The following LTK variants were observed in gnomAD, a reference collection of about 807,000 sequenced individuals.
The protein encoded by LTK is leukocyte receptor tyrosine kinase.
In LTK, 117 loss-of-function variants were observed where a neutral mutation model predicts 101.5. The observed-to-expected ratio is 1.15, with a 90% CI of 0.99 to 1.34. LTK has a LOEUF of 1.34. Among genes scored for constraint, LTK ranks in the 40% most tolerant of loss-of-function variants. The probability of loss-of-function intolerance (pLI) is 0.00; values close to 1 mark genes in which losing one functional copy is unlikely to be tolerated. For synonymous variants in LTK, 563 were observed against 494.2 expected (o/e 1.14, Z -1.85); for missense variants, 1,252 against 1,164.7 (o/e 1.07, Z -1.09).
In LTK at chr15:41,511,932, C is replaced by G. The variant is rs2051481858; in HGVS notation, c.542G>C (p.Gly181Ala). Residue 181 changes from glycine to alanine, a missense_variant, in exon 5 of 20, where the codon GGG becomes GCG. Gly to Ala is a moderately conservative substitution (Grantham distance 60, BLOSUM62 0). Coordinates refer to ENST00000263800, the MANE Select transcript of LTK (RefSeq NM_002344.6). The surrounding 1 kb of genome is among the most constrained non-coding windows in gnomAD (Gnocchi z 5.9). ...GTGCTCTTCAACGGCTCGAGACTCC[C>G]CGAGGCAGACGAGCTGGCTCTCCGG... is the stretch of plus-strand genomic sequence containing the variant. ...GSPESQLVCL[G>A]ESRAVEEHAA... The G allele has an allele frequency of 2.0e-6, 3 of 1,501,168 alleles. No individual in the cohort carries two copies. In the South Asian group the frequency reaches 3.9e-5, roughly 20 times the overall value. 93.0% of individuals were successfully genotyped at this position (1,501,168 alleles called of 1,614,324 possible). A position where few individuals can be genotyped will look rare whatever the true frequency, so the allele number is the denominator to read the frequency against.
chr15:41,505,308 G>A lies in LTK; in HGVS notation c.1828-3C>T, dbSNP rs2051233502. ...ATGACCAGAGGTGATGGCTGGCCCT[G>A]GGTCAGGCAGAGGGGGCATCAGTCC... On this transcript the variant is annotated splice_polypyrimidine_tract_variant and splice_region_variant and intron_variant, in intron 14 of 19. Coordinates refer to ENST00000263800, the MANE Select transcript of LTK (RefSeq NM_002344.6). 6.2e-7 allele frequency: 1 copy of A among 1,613,860 alleles called. No individual in the cohort carries two copies.
At position 41,506,737 on chromosome 15, in the gene LTK, T is replaced by C. The variant is rs145807132; in HGVS notation, c.1541+358A>G. Among the ~76,000 whole-genome samples the C allele has an allele frequency of 1.6e-4, 25 of 152,096 alleles. No individual in the cohort carries two copies. The East Asian group carries it at 4.6e-3, about 28-fold the overall frequency. On this transcript the variant is annotated intron_variant, in intron 11 of 19. Transcript: ENST00000263800. ...TCCCACGTAGCTGGGATTACAGGCATGCGCCACCATGCCCAGCTAATTTTG... is the reference window on the plus strand; with the variant it reads ...TCCCACGTAGCTGGGATTACAGGCACGCGCCACCATGCCCAGCTAATTTTG...
chr15:41,503,906 G>A lies in LTK; in HGVS notation c.*90C>T. On this transcript the variant is annotated 3_prime_UTR_variant, in exon 20 of 20. Coordinates refer to ENST00000263800, the MANE Select transcript of LTK (RefSeq NM_002344.6). ...ACAGCACAGACTGCAGGGAACAGAG[G>A]CCGCTGGCATAACAGGCCACCCAGG... is the stretch of plus-strand genomic sequence containing the variant. The A allele has an allele frequency of 7.1e-7, 1 of 1,409,350 alleles. No individual in the cohort carries two copies. The highest frequency in any genetic ancestry group is 9.5e-7 in the Non-Finnish European group (1 of 1,051,374). The allele number at this position is 1,409,350 out of a possible 1,614,324, so 87.3% of individuals were successfully genotyped here.
Position 41,505,401 on chromosome 15 carries a change from C to T in LTK, c.1827G>A (p.Leu609=). Residue 609 remains leucine, a splice_region_variant and synonymous_variant, in exon 14 of 20, where the codon CTG becomes CTA. Coordinates refer to ENST00000263800, the MANE Select transcript of LTK (RefSeq NM_002344.6). The part of the protein sequence containing the change: ...KSFLRHSRPH[L]GQPSPLVMRD... ...GGGGGGGCTAAGACAAGGGTCTCAC[C>T]AGGTGTGGCCGACTGTGCCTCAGGA... The T allele has an allele frequency of 6.2e-7, 1 of 1,613,928 alleles. No homozygotes were observed. Among genetic ancestry groups the T allele is most frequent in the Non-Finnish European group, 8.5e-7 (1 of 1,179,918 alleles).
Position 41,511,965 on chromosome 15 carries a change from T to C in LTK, c.511-2A>G. 6.8e-7 allele frequency: 1 copy of C among 1,476,004 alleles called. No individual in the cohort carries two copies. Among genetic ancestry groups the C allele is most frequent in the Non-Finnish European group, 8.9e-7 (1 of 1,125,008 alleles). The allele number at this position is 1,476,004 out of a possible 1,614,324, so 91.4% of individuals were successfully genotyped here. On this transcript the variant is annotated splice_acceptor_variant, in intron 4 of 19. Coordinates refer to ENST00000263800, the MANE Select transcript of LTK (RefSeq NM_002344.6). LOFTEE classifies it high-confidence loss of function. This position sits in a 1 kb window ranked among gnomAD's most constrained non-coding sequence, Gnocchi z 5.9. ...GACGAGCTGGCTCTCCGGGCTACCC[T>C]GCGGGCAGCGGGGGAGGGAATCGGC...
rs1418316722 is a variant in LTK, at chr15:41,507,073, CAGA to C, written c.1541+19_1541+21del. The C allele has an allele frequency of 5.0e-6, 8 of 1,601,218 alleles. No individual in the cohort carries two copies. Among genetic ancestry groups the C allele is most frequent in the Non-Finnish European group, 6.8e-6 (8 of 1,175,456 alleles). On this transcript the variant is annotated intron_variant, in intron 11 of 19. Coordinates refer to ENST00000263800, the MANE Select transcript of LTK (RefSeq NM_002344.6). Reference sequence around the variant, plus strand: ...TGGGGATTCAGAGTGCATAGGTTCTCAGAAGGAGGCAGAAGACTTACCTGAGCA... The same window carrying C: ...TGGGGATTCAGAGTGCATAGGTTCTCAGGAGGCAGAAGACTTACCTGAGCA...
At position 41,504,536 on chromosome 15, in the gene LTK, A is replaced by C; in HGVS notation, c.2225T>G (p.Met742Arg). 6.2e-7 allele frequency: 1 copy of C among 1,613,844 alleles called. No individual in the cohort carries two copies. The highest frequency in any genetic ancestry group is 8.5e-7 in the Non-Finnish European group (1 of 1,179,966). ...CCCTGGGCAGCCCCTAGGAGGGTCC[A>C]TCCGGCCTCCTCCAACGACGAAGTC... ...VLDFVVGGGR[M>R]DPPRGCPGPV... Residue 742 changes from methionine (M) to arginine (R), a missense_variant, in exon 18 of 20, where the codon ATG becomes AGG. By Grantham distance (91) the Met-to-Arg change is moderately conservative. Transcript: ENST00000263800.
chr15:41,513,420 GC>G (rs2095834932), intron 1 of LTK, among the ~76,000 whole-genome samples: 3 of 152,208 alleles, frequency 2.0e-5, no homozygotes, highest in Non-Finnish European at 2.9e-5. Context: ...TGGTGGCCCC[GC>G]CCCAAGGCGG....
rs778464786 is a variant in LTK at position 41,512,164 on chromosome 15, T to C, written c.461A>G (p.Glu154Gly). The C allele has an allele frequency of 6.3e-7, 1 of 1,598,200 alleles. No individual in the cohort carries two copies. Among genetic ancestry groups the C allele is most frequent in the Non-Finnish European group, 8.5e-7 (1 of 1,171,548 alleles). ...CTGCCCCACCAGGATGTACAGCGAC[T>C]CCCCGAGACCGAGGGAGAAGATTGC... is the stretch of plus-strand genomic sequence containing the variant. ...VSAIFSLGLG[E>G]SLYILVGQQG... The change falls in exon 4 of 20, where the codon GAG (glutamate) becomes GGG (glycine). Residue 154 changes from glutamate to glycine, a missense_variant. Glu to Gly is a moderately conservative substitution (Grantham distance 98). Coordinates refer to ENST00000263800, the MANE Select transcript of LTK (RefSeq NM_002344.6).
rs368310218 is a variant in LTK at position 41,504,624 on chromosome 15, G to A, written c.2137C>T (p.Leu713Phe). The A allele has an allele frequency of 3.6e-5, 58 of 1,613,090 alleles. No individual in the cohort carries two copies. The highest frequency in any genetic ancestry group is 4.7e-5 in the Non-Finnish European group (56 of 1,179,890). The change falls in exon 18 of 20, where the codon CTC becomes TTC. Residue 713 changes from leucine to phenylalanine, a missense_variant. Coordinates refer to ENST00000263800, the MANE Select transcript of LTK (RefSeq NM_002344.6). ...TAGCCCAGTGAGAAGATCTCCCAGA[G>A]CAGCACCCCAAAAGACCTGCATCAC... is the stretch of plus-strand genomic sequence containing the variant. The part of the protein sequence containing the change: ...KTDSWSFGVL[L>F]WEIFSLGYMP...
chr15:41,505,645 G>C, intron 13 of LTK, 68 bp downstream of exon 13: 2 of 1,607,210 alleles, frequency 1.2e-6, no homozygotes, highest in Non-Finnish European at 1.7e-6. Flanking sequence ...TCAGCCTCAG[G>C]GTGAAGAGAA....
intron 16 of LTK, 31 bp downstream of exon 16, chr15:41,504,941 C>T: frequency 1.9e-6 from 3 of 1,598,800 alleles, no homozygotes; most frequent in Non-Finnish European, 2.6e-6. Context: ...CCCCTTGGAG[C>T]AAGAGCCTTC....
At chr15:41,507,483 C>A (rs534348904) in intron 10 of LTK, 79 bp downstream of exon 10, 11 of 1,568,142 alleles carry the variant, frequency 7.0e-6, no homozygotes, top group Non-Finnish European at 9.5e-6. Flanking sequence ...AAGTCAGCCC[C>A]GGGACCCCGC....
At position 41,511,189 on chromosome 15, in the gene LTK, C is replaced by T. The variant is rs757713282; in HGVS notation, c.972G>A (p.Ala324=). ...CCCTGTAGCCGCCGCCGCCTCCGCC[C>T]GCAGTGCAGGCCCCGCCGCCGCCCC... is the stretch of plus-strand genomic sequence containing the variant. ...GFGGGGGACT[A]GGGGGGYRGG... The change falls in exon 7 of 20, where the codon GCG becomes GCA. Residue 324 remains alanine (A), a synonymous_variant. Transcript: ENST00000263800. The surrounding 1 kb of genome is among the most constrained non-coding windows in gnomAD (Gnocchi z 5.9). The T allele has an allele frequency of 2.1e-6, 3 of 1,407,102 alleles. No individual in the cohort carries two copies. Among genetic ancestry groups the T allele is most frequent in the Admixed American group, 3.0e-5 (1 of 33,216 alleles). 87.2% of individuals were successfully genotyped at this position (1,407,102 alleles called of 1,614,324 possible).
intron 11 of LTK, among the ~76,000 whole-genome samples, chr15:41,506,431 A>G (rs1232966001): frequency 6.9e-6 from 1 of 144,700 alleles, no homozygotes; most frequent in African/African-American, 2.6e-5. Flanking sequence ...CAGTCTCCCG[A>G]GTAGCTGGGA....
At position 41,505,721 on chromosome 15, in the gene LTK, G is replaced by C. The variant is rs373419915; in HGVS notation, c.1689C>G (p.Leu563=). The change falls in exon 13 of 20, where the codon CTC becomes CTG. Residue 563 remains leucine, a synonymous_variant. Coordinates refer to ENST00000263800, the MANE Select transcript of LTK (RefSeq NM_002344.6). The stretch of plus-strand genomic sequence containing the variant: ...CCTGGTCCCAGGTGCACCTGATGAT[G>C]AGGGCCTCCATGAGGAAATCCAGCT... ...QDELDFLMEA[L]IISKFRHQNI... The C allele has an allele frequency of 1.1e-5, 18 of 1,613,718 alleles. No individual in the cohort carries two copies. Among genetic ancestry groups the C allele is most frequent in the Non-Finnish European group, 1.3e-5 (15 of 1,179,948 alleles).
At position 41,511,990 on chromosome 15, in the gene LTK, C is replaced by G; in HGVS notation, c.511-27G>C. The G allele has an allele frequency of 3.5e-6, 5 of 1,443,026 alleles. No homozygotes were observed. Among genetic ancestry groups the G allele is most frequent in the Non-Finnish European group, 4.5e-6 (5 of 1,105,966 alleles). The allele number at this position is 1,443,026 out of a possible 1,614,324, so 89.4% of individuals were successfully genotyped here. Reference sequence around the variant, plus strand: ...TGCGGGCAGCGGGGGAGGGAATCGGCGGGGCCCGGGAGCCTCCCCTCGCTG... The same window carrying G: ...TGCGGGCAGCGGGGGAGGGAATCGGGGGGGCCCGGGAGCCTCCCCTCGCTG... On this transcript the variant is annotated intron_variant, in intron 4 of 19. Coordinates refer to ENST00000263800, the MANE Select transcript of LTK (RefSeq NM_002344.6). The surrounding 1 kb of genome is among the most constrained non-coding windows in gnomAD (Gnocchi z 5.9).
chr15:41,507,619 C>T lies in LTK; in HGVS notation c.1288G>A (p.Ala430Thr). 2 of 1,613,946 alleles carry T rather than the reference C, an allele frequency of 1.2e-6. No homozygotes were observed. The highest frequency in any genetic ancestry group is 1.7e-6 in the Non-Finnish European group (2 of 1,179,978). Residue 430 changes from alanine (A) to threonine (T), a missense_variant, in exon 10 of 20, where the codon GCT (alanine) becomes ACT (threonine). Physicochemically the swap from Ala to Thr is moderately conservative, Grantham distance 58. Transcript: ENST00000263800. The stretch of plus-strand genomic sequence containing the variant: ...CTCAGTGTTGAGGTTGCCACCACAG[C>T]CACCATCAGAACCAGAGGGCCTGGG... ...KPPGPLVLMV[A>T]VVATSTLSLL...
chr15:41,512,897 G>C lies in LTK; in HGVS notation c.188-19C>G, dbSNP rs771783957. On this transcript the variant is annotated intron_variant, in intron 2 of 19. Coordinates refer to ENST00000263800, the MANE Select transcript of LTK (RefSeq NM_002344.6). ...TCGGTGCCTGAGAGCAAGGAGCGAG[G>C]CAAGGGTCGTCGAGCCCCTGGCTGG... 2 of 1,608,268 alleles carry C rather than the reference G, an allele frequency of 1.2e-6. No homozygotes were observed. Among genetic ancestry groups the C allele is most frequent in the Non-Finnish European group, 1.7e-6 (2 of 1,176,252 alleles).
Sources: allele counts gnomAD v4.1 joint callset (sites outside exome capture counted in the v4.1 genomes callset), GRCh38; gene constraint gnomAD v4.1.1; non-coding constraint Gnocchi (gnomAD v3.1); transcripts MANE v1.5; gene names NCBI Gene and HGNC (gene_info 2026-07-23, HGNC 2026-07-21).